Variants in DCP1B observed in about 807,000 individuals in gnomAD.
The protein encoded by DCP1B is decapping mRNA 1B.
In DCP1B, 47 loss-of-function variants were observed where a neutral mutation model predicts 60.5. That is an observed-to-expected ratio of 0.78 (90% CI 0.61 to 0.99). The LOEUF is 0.99. Ranked by LOEUF, DCP1B falls within the 50% of genes least tolerant of loss-of-function variation. The probability of loss-of-function intolerance (pLI) is 0.00; values close to 1 mark genes in which losing one functional copy is unlikely to be tolerated. For missense variants in DCP1B, 725 were observed against 756.8 expected, an observed-to-expected ratio of 0.96 and a Z score of 0.49; for synonymous variants, 267 against 280.3, an observed-to-expected ratio of 0.95 and a Z score of 0.47.
intron 1 of DCP1B, among the ~76,000 whole-genome samples, chr12:2,003,852 A>G (rs958097814): frequency 6.6e-6 from 1 of 152,000 alleles, no homozygotes; most frequent in Non-Finnish European, 1.5e-5. Flanking sequence ...CCCATCTAAG[A>G]CTGACATTCC....
chr12:1,965,708 G>T lies in DCP1B; in HGVS notation c.387-15C>A, dbSNP rs749205798. 6.3e-7 allele frequency: 1 copy of T among 1,592,078 alleles called. No homozygotes were observed. The highest frequency in any genetic ancestry group is 8.5e-7 in the Non-Finnish European group (1 of 1,171,944). Reference sequence around the variant, plus strand: ...ACTGAGTTAGGCTAGAAAAACAGAGGGGAAAATCCACACAAGAAAAGCCAA... The same window carrying T: ...ACTGAGTTAGGCTAGAAAAACAGAGTGGAAAATCCACACAAGAAAAGCCAA... On this transcript the variant is annotated splice_polypyrimidine_tract_variant and intron_variant, in intron 4 of 8. Coordinates refer to ENST00000280665, the MANE Select transcript of DCP1B (RefSeq NM_152640.5).
At position 1,949,186 on chromosome 12, in the gene DCP1B, G is replaced by T; in HGVS notation, c.1673C>A (p.Thr558Asn). 1 of 1,614,178 alleles carries T rather than the reference G, an allele frequency of 6.2e-7. No individual in the cohort carries two copies. Among genetic ancestry groups the T allele is most frequent in the African/African-American group, 1.3e-5 (1 of 75,058 alleles). ...VGGQEPPAAA[T>N]SLLLPIQSPE... The stretch of plus-strand genomic sequence containing the variant: ...GCTCTGTATGGGCAGGAGGAGGCTG[G>T]TGGCAGCAGCAGGTGGCTCCTGGCC... Residue 558 changes from threonine (T) to asparagine (N), a missense_variant, in exon 8 of 9, where the codon ACC becomes AAC. Physicochemically the swap from Thr to Asn is moderately conservative, Grantham distance 65. Transcript: ENST00000280665.
At chr12:1,985,982 G>T (rs2470421) in intron 3 of DCP1B, among the ~76,000 whole-genome samples, 108,681 of 151,780 alleles carry the variant, frequency 0.72, 39,424 homozygotes, top group African/African-American at 0.85. Context: ...GGCTAATTTT[G>T]TTTTGTATTT....
chr12:1,959,218 A>G (rs2031030653), intron 5 of DCP1B, among the ~76,000 whole-genome samples: 1 of 152,272 alleles, frequency 6.6e-6, no homozygotes, highest in Non-Finnish European at 1.5e-5. Flanking sequence ...AGGACAGGCA[A>G]CAAAAGCAAG....
chr12:2,003,516 C>T (rs1280285163), intron 1 of DCP1B, among the ~76,000 whole-genome samples: 1 of 152,200 alleles, frequency 6.6e-6, no homozygotes, highest in Admixed American at 6.5e-5. Flanking sequence ...AAATTACAAG[C>T]AGCAATCCCT....
intron 3 of DCP1B, among the ~76,000 whole-genome samples, chr12:1,987,503 C>T (rs924963324): frequency 6.6e-6 from 1 of 151,924 alleles, no homozygotes; most frequent in African/African-American, 2.4e-5. Flanking sequence ...CAAATAGAAC[C>T]CTTCTCTAGT....
At position 1,948,233 on chromosome 12, in the gene DCP1B, A is replaced by T. The variant is rs1306492421; in HGVS notation, c.1773+853T>A. 2.6e-5 allele frequency among the ~76,000 whole-genome samples: 4 copies of T among 152,176 alleles called. No individual in the cohort carries two copies. Among genetic ancestry groups the T allele is most frequent in the Non-Finnish European group, 5.9e-5 (4 of 68,030 alleles). Reference sequence around the variant, plus strand: ...GTGCTTTGCTAGGGCACCTGTGCTGAATGTTCTCCCGAGGCTGGTCCCTGC... The same window carrying T: ...GTGCTTTGCTAGGGCACCTGTGCTGTATGTTCTCCCGAGGCTGGTCCCTGC... On this transcript the variant is annotated intron_variant, in intron 8 of 8. Transcript: ENST00000280665. The surrounding 1 kb of genome is among the most constrained non-coding windows in gnomAD (Gnocchi z 4.8).
Position 1,952,473 on chromosome 12 carries a change from G to A in DCP1B, c.1467C>T (p.Pro489=), listed in dbSNP as rs776375855. The A allele has an allele frequency of 6.2e-7, 1 of 1,612,738 alleles. No homozygotes were observed. The highest frequency in any genetic ancestry group is 1.3e-5 in the African/African-American group (1 of 74,992). ...VLAQSSGTGK[P]LESWINKTPN... is the part of the protein sequence containing the mutation. ...GTGTCTTGTTGATCCAGGATTCCAA[G>A]GGTTTCCCTGTTCCAGAGCTCTGAG... is the stretch of plus-strand genomic sequence containing the variant. The change falls in exon 7 of 9, where the codon CCC becomes CCT. Residue 489 remains proline (P), a synonymous_variant. Coordinates refer to ENST00000280665, the MANE Select transcript of DCP1B (RefSeq NM_152640.5).
rs147987948 is a variant in DCP1B at position 1,971,055 on chromosome 12, A to G, written c.320-3145T>C. On this transcript the variant is annotated intron_variant, in intron 3 of 8. Coordinates refer to ENST00000280665, the MANE Select transcript of DCP1B (RefSeq NM_152640.5). The surrounding 1 kb of genome is among the most constrained non-coding windows in gnomAD (Gnocchi z 4.2). ...ATCAACCAATTAATATACATCTGGA[A>G]ATTCACAATGCTTCGAGCCTTTGTT... is the stretch of plus-strand genomic sequence containing the variant. The G allele has an allele frequency of 3.4e-5, 44 of 1,283,808 alleles. No individual in the cohort carries two copies. The highest frequency in any genetic ancestry group is 1.2e-4 in the Admixed American group (5 of 42,352). 79.5% of individuals were successfully genotyped at this position (1,283,808 alleles called of 1,614,324 possible). A position where few individuals can be genotyped will look rare whatever the true frequency, so the allele number is the denominator to read the frequency against.
At chr12:1,952,264 C>A in intron 7 of DCP1B, 152 bp downstream of exon 7, 6 of 954,166 alleles carry the variant, frequency 6.3e-6, no homozygotes, top group Non-Finnish European at 8.7e-6. Flanking sequence ...ACCTCCGCCT[C>A]TTGAGCTCAA....
In DCP1B at chr12:1,953,282, C is replaced by G; in HGVS notation, c.658G>C (p.Asp220His). 6.4e-7 allele frequency: 1 copy of G among 1,572,358 alleles called. No homozygotes were observed. The highest frequency in any genetic ancestry group is 2.2e-5 in the East Asian group (1 of 44,496). The change falls in exon 7 of 9, where the codon GAC (aspartate) becomes CAC (histidine). Residue 220 changes from aspartate to histidine, a missense_variant. Physicochemically the swap from Asp to His is moderately conservative, Grantham distance 81. Coordinates refer to ENST00000280665, the MANE Select transcript of DCP1B (RefSeq NM_152640.5). ...QRIPQPNQTL[D>H]PEPQHLSLTA... is the part of the protein sequence containing the mutation. ...AAGGATAAGTGTTGGGGTTCAGGGT[C>G]TAAGGTCTGGAAAAAATAAAGATAT...
chr12:1,966,207 A>G (rs1473673584), intron 4 of DCP1B: 1 of 152,302 alleles, frequency 6.6e-6, no homozygotes, highest in African/African-American at 2.4e-5. Flanking sequence ...CCTACTTTAC[A>G]GACTGCCTTG....
At chr12:1,952,340 CTTT>C (rs35978908) in intron 7 of DCP1B, 73 bp downstream of exon 7, 628 of 1,316,862 alleles carry the variant, frequency 4.8e-4, no homozygotes, top group South Asian at 1.4e-3. Flanking sequence ...AGCCTGGCTA[CTTT>C]TTTTTTTTTT....
chr12:1,993,013 C>T (rs1053555715), intron 3 of DCP1B: 9 of 645,272 alleles, frequency 1.4e-5, no homozygotes, highest in Admixed American at 2.6e-5. Context: ...GTTCACACTA[C>T]AAATCCATAA....
intron 3 of DCP1B, among the ~76,000 whole-genome samples, chr12:1,981,346 A>G (rs1046054821): frequency 6.6e-6 from 1 of 152,240 alleles, no homozygotes; most frequent in African/African-American, 2.4e-5. Flanking sequence ...GCTTTGAATA[A>G]AGAAATCCAA....
chr12:1,952,446 G>A lies in DCP1B; in HGVS notation c.1494C>T (p.Pro498=). ...KPLESWINKT[P]NTEQQTPLFQ... is the part of the protein sequence containing the mutation. Reference sequence around the variant, plus strand: ...AAAGAGGAGTCTGCTGTTCTGTGTTGGGTGTCTTGTTGATCCAGGATTCCA... The same window carrying A: ...AAAGAGGAGTCTGCTGTTCTGTGTTAGGTGTCTTGTTGATCCAGGATTCCA... Residue 498 remains proline, a synonymous_variant, in exon 7 of 9, where the codon CCC becomes CCT. Transcript: ENST00000280665. 6.2e-7 allele frequency: 1 copy of A among 1,607,426 alleles called. No homozygotes were observed. Among genetic ancestry groups the A allele is most frequent in the Non-Finnish European group, 8.5e-7 (1 of 1,175,464 alleles).
rs117352688 is a variant in DCP1B at position 1,949,922 on chromosome 12, G to A, written c.1525-588C>T. 29 of 194,364 alleles carry A rather than the reference G, an allele frequency of 1.5e-4. No homozygotes were observed. The East Asian group carries it at 3.5e-3, about 24-fold the overall frequency. The allele number at this position is 194,364 out of a possible 1,614,324, so 12.0% of individuals were successfully genotyped here. ...CTGATGTGTTTGGGCTGACCCGGGC[G>A]GCCTGTTGCTCAGCCCTGCCAGAGC... On this transcript the variant is annotated intron_variant, in intron 7 of 8. Transcript: ENST00000280665.
Position 1,949,224 on chromosome 12 carries a change from G to A in DCP1B, c.1635C>T (p.Leu545=). 1.2e-6 allele frequency: 2 copies of A among 1,614,186 alleles called. No individual in the cohort carries two copies. The highest frequency in any genetic ancestry group is 1.7e-6 in the Non-Finnish European group (2 of 1,180,038). The change falls in exon 8 of 9, where the codon CTC becomes CTT. Residue 545 remains leucine (L), a synonymous_variant. Transcript: ENST00000280665. The part of the protein sequence containing the change: ...SVPPKERESG[L]LPVGGQEPPA... ...GTGGCTCCTGGCCTCCCACAGGCAA[G>A]AGGCCGCTCTCCCTTTCCTTTGGCG...
At chr12:1,955,625 AC>A in intron 5 of DCP1B, 65 bp from the exon 6 acceptor site, 1 of 1,528,486 alleles carries the variant, frequency 6.5e-7, no homozygotes, top group Admixed American at 2.0e-5. Context: ...TTAAAAGACT[AC>A]CTTTTTACTT....
Sources: allele counts gnomAD v4.1 joint callset (sites outside exome capture counted in the v4.1 genomes callset), GRCh38; gene constraint gnomAD v4.1.1; non-coding constraint Gnocchi (gnomAD v3.1); transcripts MANE v1.5; gene names NCBI Gene and HGNC (gene_info 2026-07-23, HGNC 2026-07-21).